Variants in CSMD1 observed in about 807,000 individuals in gnomAD.
The protein encoded by CSMD1 is CUB and Sushi multiple domains 1, also known as CUB and sushi domain-containing protein 1.
CSMD1 carries 213 observed loss-of-function variants against 417.5 expected under a neutral mutation model. That is an observed-to-expected ratio of 0.51 (90% CI 0.46 to 0.57). The LOEUF (loss-of-function observed/expected upper bound fraction) is 0.57, where lower values mean the gene tolerates loss of function less well. Among genes scored for constraint, CSMD1 ranks in the 20% least tolerant of loss-of-function variants. CSMD1 has a pLI of 0.00. For missense variants in CSMD1, 6,923 were observed against 4,529.7 expected (o/e 1.53, Z -15.17); for synonymous variants, 2,862 against 1,736.8 (o/e 1.65, Z -16.11).
chr8:3,466,034 T>G (rs542709319), intron 12 of CSMD1, among the ~76,000 whole-genome samples: 2 of 152,264 alleles, frequency 1.3e-5, no homozygotes, highest in Non-Finnish European at 2.9e-5. Flanking sequence ...ACACTATTAT[T>G]TATATAATGA....
rs755028957 is a variant in CSMD1 at position 3,369,295 on chromosome 8, G to C, written c.2858C>G (p.Ser953Cys). 4.2e-5 allele frequency: 67 copies of C among 1,605,722 alleles called. No individual in the cohort carries two copies. Among genetic ancestry groups the C allele is most frequent in the Non-Finnish European group, 5.5e-5 (65 of 1,172,874 alleles). ...SPGFPDFYPNSLNCTWTIEVS... is the reference protein window; with the variant it reads ...SPGFPDFYPNCLNCTWTIEVS... ...TTCAATGGTCCACGTGCAGTTTAGA[G>C]AGTTTGGATAAAAATCTGGAAACCC... The change falls in exon 19 of 70, where the codon TCT (serine) becomes TGT (cysteine). Residue 953 changes from serine to cysteine, a missense_variant. Transcript: ENST00000635120.
chr8:4,137,761 A>G (rs1297484903), intron 3 of CSMD1, among the ~76,000 whole-genome samples: 1 of 78,034 alleles, frequency 1.3e-5, no homozygotes, highest in Non-Finnish European at 3.9e-5. Flanking sequence ...ACACTTTCCT[A>G]AATTTCTCAA....
intron 3 of CSMD1, among the ~76,000 whole-genome samples, chr8:4,270,661 C>A (rs146203183): frequency 4.1e-4 from 63 of 152,286 alleles, no homozygotes; most frequent in African/African-American, 1.5e-3. Context: ...CGCGTGTCTG[C>A]CAATGTAGCT....
chr8:4,649,778 A>G (rs1467955498), intron 1 of CSMD1, among the ~76,000 whole-genome samples: 9 of 152,240 alleles, frequency 5.9e-5, no homozygotes, highest in Non-Finnish European at 1.3e-4. Flanking sequence ...GAAACTAATA[A>G]TGATGTTTAT....
chr8:4,615,994 C>T (rs1221805737), intron 2 of CSMD1, among the ~76,000 whole-genome samples: 3 of 152,072 alleles, frequency 2.0e-5, no homozygotes, highest in Non-Finnish European at 4.4e-5. Context: ...ACCACATCAC[C>T]TTTTCGGTTA....
At chr8:3,748,924 T>C (rs529886198) in intron 6 of CSMD1, among the ~76,000 whole-genome samples, 23 of 152,302 alleles carry the variant, frequency 1.5e-4, no homozygotes, top group Non-Finnish European at 2.9e-4. Flanking sequence ...CCTATAAAAA[T>C]TGGAATTTTA....
chr8:3,352,378 TG>T (rs1455505487), intron 21 of CSMD1, among the ~76,000 whole-genome samples: 6 of 152,200 alleles, frequency 3.9e-5, no homozygotes, highest in African/African-American at 1.4e-4. Context: ...AAGATTGACT[TG>T]TGACACAAAT....
At chr8:3,960,907 C>T (rs1378876783) in intron 5 of CSMD1, among the ~76,000 whole-genome samples, 1 of 151,902 alleles carries the variant, frequency 6.6e-6, no homozygotes, top group Non-Finnish European at 1.5e-5. Context: ...CAAAAGTCCT[C>T]TAGACTTAGA....
intron 3 of CSMD1, among the ~76,000 whole-genome samples, chr8:4,416,779 G>A (rs551250229): frequency 6.6e-6 from 1 of 151,890 alleles, no homozygotes; most frequent in Non-Finnish European, 1.5e-5. Flanking sequence ...CTTCCTAGAT[G>A]TTTTTCTTAA....
intron 4 of CSMD1, among the ~76,000 whole-genome samples, chr8:4,007,556 T>C (rs1027986755): frequency 2.0e-5 from 3 of 152,212 alleles, no homozygotes; most frequent in Non-Finnish European, 4.4e-5. Flanking sequence ...CTCCATCCTG[T>C]ATGCTTACCT....
intron 2 of CSMD1, among the ~76,000 whole-genome samples, chr8:4,597,331 A>T (rs1278126399): frequency 1.3e-5 from 2 of 152,214 alleles, no homozygotes; most frequent in African/African-American, 4.8e-5. Flanking sequence ...CTTTCAAATA[A>T]GCAGGAGAGA....
intron 3 of CSMD1, among the ~76,000 whole-genome samples, chr8:4,330,628 A>G (rs1011989488): frequency 1.3e-5 from 2 of 151,864 alleles, no homozygotes; most frequent in Non-Finnish European, 2.9e-5. Context: ...TCATAAATCT[A>G]ATCATATTTT....
intron 1 of CSMD1, among the ~76,000 whole-genome samples, chr8:4,948,464 A>C (rs911461786): frequency 1.3e-5 from 2 of 151,934 alleles, no homozygotes; most frequent in Admixed American, 6.6e-5. Flanking sequence ...CTTATCCAGT[A>C]ATCTTGATGT....
chr8:3,148,442 C>T (rs930256625), intron 40 of CSMD1, among the ~76,000 whole-genome samples: 1 of 152,038 alleles, frequency 6.6e-6, no homozygotes, highest in Non-Finnish European at 1.5e-5. Context: ...AGGAATTGAA[C>T]AGGAGAATCT....
At chr8:3,264,503 A>T (rs962847378) in intron 26 of CSMD1, among the ~76,000 whole-genome samples, 3 of 152,172 alleles carry the variant, frequency 2.0e-5, no homozygotes, top group African/African-American at 7.2e-5. Flanking sequence ...GGAAAAATCT[A>T]ATTTGAGAAC....
chr8:3,323,842 A>G (rs1806314994), intron 23 of CSMD1, among the ~76,000 whole-genome samples: 1 of 150,756 alleles, frequency 6.6e-6, no homozygotes, highest in Non-Finnish European at 1.5e-5. Context: ...CATCATTGTT[A>G]AAACAGACAC....
intron 12 of CSMD1, among the ~76,000 whole-genome samples, chr8:3,414,422 C>T (rs764554106): frequency 6.6e-6 from 1 of 152,074 alleles, no homozygotes; most frequent in Non-Finnish European, 1.5e-5. Flanking sequence ...GTTGCTCTAG[C>T]TATATTCCCA....
rs374251854 is a variant in CSMD1 at position 3,157,869 on chromosome 8, A to G, written c.5914+28T>C. On this transcript the variant is annotated intron_variant, in intron 39 of 69. Transcript: ENST00000635120. ...ATGTTCTTCCCAGTGTGTGCGCAGC[A>G]GCAGAGTTACAGAAGGTGCATCCTT... The G allele has an allele frequency of 3.5e-5, 53 of 1,532,978 alleles. 1 individual carries two copies. The African/African-American group carries it at 4.7e-4, about 14-fold the overall frequency. 95.0% of individuals were successfully genotyped at this position (1,532,978 alleles called of 1,614,324 possible).
At chr8:4,409,930 C>G (rs949716500) in intron 3 of CSMD1, among the ~76,000 whole-genome samples, 3 of 151,900 alleles carry the variant, frequency 2.0e-5, no homozygotes, top group African/African-American at 7.3e-5. Context: ...TCTCCTGCCT[C>G]AGCTTCCCAA....
Sources: gnomAD v4.1 joint callset for allele counts (sites outside exome capture counted in the v4.1 genomes callset) on GRCh38, gnomAD v4.1.1 for gene constraint, MANE v1.5 for transcripts, NCBI Gene and HGNC (gene_info 2026-07-23, HGNC 2026-07-21) for gene names.